Variants in TRIM36 observed in about 807,000 individuals in gnomAD.
TRIM36 encodes E3 ubiquitin-protein ligase TRIM36.
Under a neutral mutation model 72.4 loss-of-function variants are expected in TRIM36, and 42 were observed. The observed-to-expected ratio is 0.58, with a 90% confidence interval of 0.45 to 0.75. The LOEUF is 0.75. TRIM36 is among the 30% of genes least tolerant of loss of function. The probability of loss-of-function intolerance (pLI) is 0.00; values close to 1 mark genes in which losing one functional copy is unlikely to be tolerated. For synonymous variants in TRIM36, 315 were observed against 282.8 expected, an observed-to-expected ratio of 1.11 and a Z score of -1.14; for missense variants, 913 against 857.1, an observed-to-expected ratio of 1.07 and a Z score of -0.81.
chr5:115,141,381 A>G lies in TRIM36; in HGVS notation c.736-7T>C, dbSNP rs1374981894. The G allele has an allele frequency of 6.4e-7, 1 of 1,571,548 alleles. No homozygotes were observed. The highest frequency in any genetic ancestry group is 2.1e-5 in the Admixed American group (1 of 48,230). On this transcript the variant is annotated splice_polypyrimidine_tract_variant and splice_region_variant and intron_variant, in intron 4 of 9. Coordinates refer to ENST00000513154, the MANE Select transcript of TRIM36 (RefSeq NM_001300759.2). ...TATCCTTTGAAAGCTTTTCCTGTTG[A>G]AACATATTCGTAACACAAATAGACA...
chr5:115,160,670 C>T (rs1362585485), intron 2 of TRIM36, among the ~76,000 whole-genome samples: 1 of 152,122 alleles, frequency 6.6e-6, no homozygotes, highest in Admixed American at 6.6e-5. Flanking sequence ...AGACCTTCTT[C>T]TCCACAAAAA....
At position 115,147,221 on chromosome 5, in the gene TRIM36, C is replaced by A; in HGVS notation, c.436G>T (p.Asp146Tyr). Residue 146 changes from aspartate (D) to tyrosine (Y), a missense_variant, in exon 3 of 10, where the codon GAC (aspartate) becomes TAC (tyrosine). Asp to Tyr is a radical substitution (Grantham distance 160, BLOSUM62 -3). Coordinates refer to ENST00000513154, the MANE Select transcript of TRIM36 (RefSeq NM_001300759.2). ...AARAATAIMC[D>Y]LCKPPPQEST... ...TCTTGAGGTGGTGGTTTACAAAGGT[C>A]ACACATAATGGCTGTGGCTGCCCTA... 1 of 1,614,162 alleles carries A rather than the reference C, an allele frequency of 6.2e-7. No individual in the cohort carries two copies.
chr5:115,135,335 A>G (rs950837775), intron 7 of TRIM36, among the ~76,000 whole-genome samples: 1 of 152,206 alleles, frequency 6.6e-6, no homozygotes, highest in Non-Finnish European at 1.5e-5. Flanking sequence ...CTGCATTTAT[A>G]CAACTGAATG....
Position 115,144,665 on chromosome 5 carries a change from C to T in TRIM36, c.668G>A (p.Cys223Tyr), listed in dbSNP as rs1753481159. ...ELCRRPVCHL[C>Y]KLGGNHANHR... ...GTTGGCATGATTACCACCCAACTTACACAGATGGCAAACTGGCCTCCTACA... is the reference window on the plus strand; with the variant it reads ...GTTGGCATGATTACCACCCAACTTATACAGATGGCAAACTGGCCTCCTACA... Residue 223 changes from cysteine to tyrosine, a missense_variant, in exon 4 of 10, where the codon TGT becomes TAT. Physicochemically the swap from Cys to Tyr is radical, Grantham distance 194. Transcript: ENST00000513154. The T allele has an allele frequency of 2.5e-6, 4 of 1,614,148 alleles. No individual in the cohort carries two copies. The highest frequency in any genetic ancestry group is 2.5e-6 in the Non-Finnish European group (3 of 1,180,020).
chr5:115,162,271 T>C (rs2126929069), intron 2 of TRIM36, among the ~76,000 whole-genome samples: 1 of 152,334 alleles, frequency 6.6e-6, no homozygotes, highest in South Asian at 2.1e-4. Flanking sequence ...AACATCCCAG[T>C]AATGCTATTT....
rs541575589 is a variant in TRIM36, at chr5:115,128,850, G to A, written c.1796+1742C>T. Reference sequence around the variant, plus strand: ...AAGAATACATTTAAATAAATTTAGTGCAGCCTAAGTGTATAGTGTGTTTGT... The same window carrying A: ...AAGAATACATTTAAATAAATTTAGTACAGCCTAAGTGTATAGTGTGTTTGT... On this transcript the variant is annotated intron_variant, in intron 9 of 9. Coordinates refer to ENST00000513154, the MANE Select transcript of TRIM36 (RefSeq NM_001300759.2). 8.7e-5 allele frequency among the ~76,000 whole-genome samples: 13 copies of A among 149,970 alleles called. No individual in the cohort carries two copies. In the South Asian group the frequency reaches 2.7e-3, roughly 32 times the overall value.
At chr5:115,171,239 G>T (rs1413653736), upstream of TRIM36, 3 of 1,613,970 alleles carry the variant, frequency 1.9e-6, no homozygotes. Flanking sequence ...AAGGAGTGTA[G>T]AATTAAAAAC....
intron 1 of TRIM36, among the ~76,000 whole-genome samples, chr5:115,175,121 T>C (rs2126957320): frequency 6.6e-6 from 1 of 151,692 alleles, no homozygotes; most frequent in Middle Eastern, 3.4e-3. Context: ...AATTTTTTAG[T>C]ATATGTTCCA....
intron 2 of TRIM36, among the ~76,000 whole-genome samples, chr5:115,160,424 A>G (rs889254229): frequency 6.6e-6 from 1 of 152,194 alleles, no homozygotes; most frequent in Non-Finnish European, 1.5e-5. Context: ...TATTCTGTGT[A>G]TTTTAACTCA....
At chr5:115,162,440 A>G (rs1377718183) in intron 2 of TRIM36, among the ~76,000 whole-genome samples, 3 of 152,238 alleles carry the variant, frequency 2.0e-5, no homozygotes, top group Non-Finnish European at 4.4e-5. Flanking sequence ...TTAAGCATCT[A>G]CAGAGTACCA....
upstream of TRIM36, among the ~76,000 whole-genome samples, chr5:115,170,485 G>T (rs756378211): frequency 3.3e-5 from 5 of 152,156 alleles, no homozygotes; most frequent in Admixed American, 6.5e-5. Flanking sequence ...ACCAGAGTGA[G>T]ACCCCGCCCG....
upstream of TRIM36, among the ~76,000 whole-genome samples, chr5:115,173,763 A>G (rs1755222764): frequency 6.6e-6 from 1 of 152,148 alleles, no homozygotes; most frequent in African/African-American, 2.4e-5. Context: ...ATTCCTCCGC[A>G]GTTTGGAGTA....
At chr5:115,156,948 A>C (rs1248071494) in intron 2 of TRIM36, among the ~76,000 whole-genome samples, 1 of 152,254 alleles carries the variant, frequency 6.6e-6, no homozygotes, top group African/African-American at 2.4e-5. Context: ...CAGAATCTAC[A>C]ATGAACTCAA....
chr5:115,171,014 C>G, upstream of TRIM36: 1 of 1,565,924 alleles, frequency 6.4e-7, no homozygotes, highest in Non-Finnish European at 8.7e-7. Context: ...GCTAGCTAAA[C>G]AATTCATTCC....
intron 1 of TRIM36, among the ~76,000 whole-genome samples, chr5:115,179,130 G>C (rs944041921): frequency 6.6e-6 from 1 of 152,178 alleles, no homozygotes; most frequent in African/African-American, 2.4e-5. Context: ...TGCGAGTTCC[G>C]GAGGGCAGTG....
At chr5:115,128,758 CAAAAAAAAAAAAAAA>C (rs58384978) in intron 9 of TRIM36, among the ~76,000 whole-genome samples, 3 of 47,022 alleles carry the variant, frequency 6.4e-5, no homozygotes, top group Admixed American at 2.7e-4. Context: ...GACTCCGTCT[CAAAAAAAAAAAAAAA>C]AAAAAAAAAA....
At chr5:115,171,207 G>C, upstream of TRIM36, 1 of 1,614,156 alleles carries the variant, frequency 6.2e-7, no homozygotes, top group South Asian at 1.1e-5. Context: ...CGGTAGCCTC[G>C]TCTCCAATCC....
At chr5:115,150,519 T>C (rs981005552) in intron 2 of TRIM36, among the ~76,000 whole-genome samples, 1 of 152,248 alleles carries the variant, frequency 6.6e-6, no homozygotes, top group African/African-American at 2.4e-5. Context: ...AGAGGGATCA[T>C]CACAAACTAG....
At chr5:115,162,487 C>T (rs1211363435) in intron 2 of TRIM36, among the ~76,000 whole-genome samples, 1 of 152,182 alleles carries the variant, frequency 6.6e-6, no homozygotes, top group Non-Finnish European at 1.5e-5. Flanking sequence ...AATCATTCAT[C>T]TTGTTCTTCA....
Sources: allele counts gnomAD v4.1 joint callset (sites outside exome capture counted in the v4.1 genomes callset), GRCh38; gene constraint gnomAD v4.1.1; transcripts MANE v1.5; gene names NCBI Gene and HGNC (gene_info 2026-07-23, HGNC 2026-07-21).